Variants in C1orf94 observed in about 807,000 individuals in gnomAD.
The protein encoded by C1orf94 is chromosome 1 open reading frame 94, also known as uncharacterized protein C1orf94.
In C1orf94, 45 loss-of-function variants were observed where a neutral mutation model predicts 53.6. That is an observed-to-expected ratio of 0.84 (90% CI 0.66 to 1.08). The LOEUF (loss-of-function observed/expected upper bound fraction) is 1.08. C1orf94 is among the 50% of genes least tolerant of loss of function. The pLI, the probability that C1orf94 is intolerant of heterozygous loss-of-function variation, is 0.00. For synonymous variants in C1orf94, 304 were observed against 296.1 expected (o/e 1.03, Z -0.27); for missense variants, 762 against 738.9 (o/e 1.03, Z -0.36).
chr1:34,177,727 G>C lies in C1orf94; in HGVS notation c.-63G>C, dbSNP rs1325753253. On this transcript the variant is annotated 5_prime_UTR_variant, in exon 1 of 7. Coordinates refer to ENST00000488417, the MANE Select transcript of C1orf94 (RefSeq NM_001134734.2). ...CTCTGAACCTAACCACCTTGCTGGA[G>C]CGAAAGCCAGACAGAACTGACCCAC... 3 of 1,436,638 alleles carry C rather than the reference G, an allele frequency of 2.1e-6. No homozygotes were observed. In the African/African-American group the frequency reaches 4.3e-5, roughly 21 times the overall value. 89.0% of individuals were successfully genotyped at this position (1,436,638 alleles called of 1,614,324 possible). A position where few individuals can be genotyped will look rare whatever the true frequency, so the allele number is the denominator to read the frequency against.
chr1:34,188,452 C>T (rs1015201332), intron 1 of C1orf94, among the ~76,000 whole-genome samples: 1 of 152,152 alleles, frequency 6.6e-6, no homozygotes, highest in African/African-American at 2.4e-5. Flanking sequence ...AGAGATTTCA[C>T]GGTGTTGCCT....
upstream of C1orf94, among the ~76,000 whole-genome samples, chr1:34,174,759 C>T (rs1325819747): frequency 2.6e-5 from 4 of 152,232 alleles, no homozygotes; most frequent in Admixed American, 6.5e-5. Flanking sequence ...GTTTAAGCCA[C>T]ACAGTCTGTG....
intron 1 of C1orf94, among the ~76,000 whole-genome samples, chr1:34,179,911 G>A (rs1642289836): frequency 6.6e-6 from 1 of 152,168 alleles, no homozygotes; most frequent in Non-Finnish European, 1.5e-5. Flanking sequence ...CTAGAGTTCT[G>A]AGTAGGGCTG....
At chr1:34,205,858 G>A (rs1464017839) in intron 4 of C1orf94, among the ~76,000 whole-genome samples, 2 of 152,166 alleles carry the variant, frequency 1.3e-5, no homozygotes, top group African/African-American at 4.8e-5. Flanking sequence ...AGCTTCAGAG[G>A]CTCCTGGGCT....
chr1:34,195,942 T>G (rs1022121430), intron 1 of C1orf94, among the ~76,000 whole-genome samples: 1 of 152,192 alleles, frequency 6.6e-6, no homozygotes, highest in African/African-American at 2.4e-5. Flanking sequence ...ACCTCCAGAC[T>G]GCAAAGCCTA....
At chr1:34,169,530 G>A (rs1557472316) in intron 1 of C1orf94, among the ~76,000 whole-genome samples, 1 of 151,430 alleles carries the variant, frequency 6.6e-6, no homozygotes, top group Non-Finnish European at 1.5e-5. Flanking sequence ...TCAAGGAGGA[G>A]CTGTAGACTT....
intron 1 of C1orf94, among the ~76,000 whole-genome samples, chr1:34,170,147 A>G (rs1017392566): frequency 6.6e-6 from 1 of 152,194 alleles, no homozygotes; most frequent in Non-Finnish European, 1.5e-5. Context: ...CATTTTTTGC[A>G]TAGTATCTTG....
chr1:34,213,092 C>T (rs575081738), intron 6 of C1orf94, among the ~76,000 whole-genome samples: 154 of 152,332 alleles, frequency 1.0e-3, no homozygotes, highest in Middle Eastern at 6.8e-3. Flanking sequence ...CCCACCAAAT[C>T]TTCCACTAAT....
At chr1:34,180,431 T>G (rs144210088) in intron 1 of C1orf94, among the ~76,000 whole-genome samples, 1 of 152,238 alleles carries the variant, frequency 6.6e-6, no homozygotes, top group Non-Finnish European at 1.5e-5. Flanking sequence ...ATTGTGCCAT[T>G]CTGGTTTCAA....
Position 34,197,542 on chromosome 1 carries a change from C to T in C1orf94, c.638C>T (p.Ala213Val). The T allele has an allele frequency of 1.2e-6, 2 of 1,614,084 alleles. No homozygotes were observed. The highest frequency in any genetic ancestry group is 1.1e-5 in the South Asian group (1 of 91,078). The change falls in exon 2 of 7, where the codon GCC becomes GTC. Residue 213 changes from alanine to valine, a missense_variant. Transcript: ENST00000488417. The surrounding 1 kb of genome is among the most constrained non-coding windows in gnomAD (Gnocchi z 4.1). ...ATSTVTDILC[A>V]AEVKSSKGTE... ...TCTACTGTCACAGACATTCTGTGTG[C>T]CGCCGAGGTCAAGAGCAGCAAGGGG...
Position 34,217,787 on chromosome 1 carries a change from A to G in C1orf94, c.1722-899A>G, listed in dbSNP as rs1004053680. Among the ~76,000 whole-genome samples, 4 of 152,326 alleles carry G rather than the reference A, an allele frequency of 2.6e-5. No homozygotes were observed. The East Asian group carries it at 7.7e-4, about 29-fold the overall frequency. On this transcript the variant is annotated intron_variant, in intron 6 of 6. Transcript: ENST00000488417. ...CATCAATTCATAGAAGGGTACCATG[A>G]ATGTGAATCTCTTCTATAATATGCA...
chr1:34,212,172 A>C, intron 5 of C1orf94, 38 bp from the exon 6 acceptor site: 1 of 1,554,308 alleles, frequency 6.4e-7, no homozygotes, highest in Non-Finnish European at 8.7e-7. Context: ...TGGGCTGGGG[A>C]ATGGTGACCT....
At chr1:34,209,627 C>G (rs1642858332) in intron 5 of C1orf94, among the ~76,000 whole-genome samples, 1 of 152,108 alleles carries the variant, frequency 6.6e-6, no homozygotes, top group South Asian at 2.1e-4. Context: ...GCACCTCTGA[C>G]CTGAAATGTG....
chr1:34,188,885 G>C (rs1557480111), intron 1 of C1orf94, among the ~76,000 whole-genome samples: 1 of 152,172 alleles, frequency 6.6e-6, no homozygotes, highest in Non-Finnish European at 1.5e-5. Context: ...GAATGAATCT[G>C]CAATTTCTCT....
At chr1:34,183,083 A>G (rs568556941) in intron 1 of C1orf94, among the ~76,000 whole-genome samples, 54 of 152,332 alleles carry the variant, frequency 3.5e-4, no homozygotes, top group Non-Finnish European at 6.8e-4. Context: ...TAATGATAAT[A>G]AAAGAGGCTA....
intron 6 of C1orf94, among the ~76,000 whole-genome samples, chr1:34,214,571 C>T (rs1264913661): frequency 6.6e-6 from 1 of 152,210 alleles, no homozygotes; most frequent in African/African-American, 2.4e-5. Flanking sequence ...TGTGCTGTGA[C>T]TCTGGGCTCT....
At chr1:34,168,894 G>A (rs924492909) in intron 1 of C1orf94, among the ~76,000 whole-genome samples, 1 of 152,106 alleles carries the variant, frequency 6.6e-6, no homozygotes, top group Admixed American at 6.5e-5. Flanking sequence ...AATTTGGGTG[G>A]GGGGGCACAC....
At position 34,198,397 on chromosome 1, in the gene C1orf94, C is replaced by T. The variant is rs192857167; in HGVS notation, c.1009+484C>T. Reference sequence around the variant, plus strand: ...CCCTCTCTGGGGTATTGGGTAGATGCGTAAATTATCCAGGCATAGTGCAGA... The same window carrying T: ...CCCTCTCTGGGGTATTGGGTAGATGTGTAAATTATCCAGGCATAGTGCAGA... On this transcript the variant is annotated intron_variant, in intron 2 of 6. Coordinates refer to ENST00000488417, the MANE Select transcript of C1orf94 (RefSeq NM_001134734.2). Among the ~76,000 whole-genome samples, 4 of 152,290 alleles carry T rather than the reference C, an allele frequency of 2.6e-5. No individual in the cohort carries two copies. The East Asian group carries it at 5.8e-4, about 22-fold the overall frequency.
intron 1 of C1orf94, among the ~76,000 whole-genome samples, chr1:34,190,780 G>A (rs1417481886): frequency 6.6e-6 from 1 of 152,114 alleles, no homozygotes; most frequent in African/African-American, 2.4e-5. Flanking sequence ...TCTGTCCCTT[G>A]GCTTCTTCAT....
Sources: gnomAD v4.1 joint callset for allele counts (sites outside exome capture counted in the v4.1 genomes callset) on GRCh38, gnomAD v4.1.1 for gene constraint, Gnocchi (gnomAD v3.1) non-coding constraint, MANE v1.5 for transcripts, NCBI Gene and HGNC (gene_info 2026-07-23, HGNC 2026-07-21) for gene names.